The following PTPRN2 variants were observed in gnomAD, a reference collection of about 807,000 sequenced individuals.
PTPRN2 encodes the protein receptor-type tyrosine-protein phosphatase N2.
A neutral mutation model predicts 118.8 loss-of-function variants in PTPRN2; 74 were observed. The observed-to-expected ratio is 0.62, with a 90% CI of 0.52 to 0.76. The LOEUF (loss-of-function observed/expected upper bound fraction) is 0.76, where lower values mean the gene tolerates loss of function less well. Among genes scored for constraint, PTPRN2 ranks in the 30% least tolerant of loss-of-function variants. The pLI, the probability that PTPRN2 is intolerant of heterozygous loss-of-function variation, is 0.00. For missense variants in PTPRN2, 1,481 were observed against 1,394.4 expected, an observed-to-expected ratio of 1.06 and a Z score of -0.99; for synonymous variants, 641 against 608.0, an observed-to-expected ratio of 1.05 and a Z score of -0.80.
At chr7:158,060,160 T>G in intron 11 of PTPRN2, among the ~76,000 whole-genome samples, 1 of 83,730 alleles carries the variant, frequency 1.2e-5, no homozygotes, top group Non-Finnish European at 2.3e-5. Flanking sequence ...CCACACTCCA[T>G]CTGCACATGG....
chr7:157,921,970 G>A (rs1798715671), intron 11 of PTPRN2, among the ~76,000 whole-genome samples: 1 of 152,160 alleles, frequency 6.6e-6, no homozygotes, highest in Non-Finnish European at 1.5e-5. Context: ...CAGGGCACGT[G>A]GGAACCCTCT....
At chr7:158,253,922 T>C (rs13310233) in intron 3 of PTPRN2, among the ~76,000 whole-genome samples, 32,670 of 48,416 alleles carry the variant, frequency 0.67, 9,681 homozygotes, top group African/African-American at 0.75. Flanking sequence ...CCTCCATCTC[T>C]ACGTTCAGGA....
intron 9 of PTPRN2, 59 bp from the exon 10 acceptor site, chr7:158,110,974 T>A: frequency 7.0e-7 from 1 of 1,431,590 alleles, no homozygotes; most frequent in Non-Finnish European, 9.5e-7. Context: ...CCTGGAGAAC[T>A]AAAGCCCTGT....
rs550213065 is a variant in PTPRN2 at position 157,614,437 on chromosome 7, A to G, written c.2344+6925T>C. Reference sequence around the variant, plus strand: ...TTATTAGGTACCATTCATATCAGGAAAAAAAGTCAGGGACAGCTGTTTCAA... The same window carrying G: ...TTATTAGGTACCATTCATATCAGGAGAAAAAGTCAGGGACAGCTGTTTCAA... On this transcript the variant is annotated intron_variant, in intron 15 of 22. Coordinates refer to ENST00000389418, the MANE Select transcript of PTPRN2 (RefSeq NM_002847.5). Among the ~76,000 whole-genome samples the G allele has an allele frequency of 4.6e-5, 7 of 152,358 alleles. No individual in the cohort carries two copies. In the East Asian group the frequency reaches 1.2e-3, roughly 25 times the overall value.
intron 11 of PTPRN2, among the ~76,000 whole-genome samples, chr7:158,067,818 GTGGGCAGCACACTGGGTCACGCTGGGCCA>G (rs1348192866): frequency 8.3e-4 from 126 of 151,674 alleles, no homozygotes; most frequent in African/African-American, 2.7e-3. Context: ...AGGCTGGGCC[GTGGGCAGCACACTGGGTCACGCTGGGCCA>G]TGGGCAGCAC....
chr7:158,027,476 C>G (rs1048077117), intron 11 of PTPRN2: 2 of 152,176 alleles, frequency 1.3e-5, no homozygotes, highest in African/African-American at 4.8e-5. Flanking sequence ...TTGGCCAAAT[C>G]GTGAGTTCCA....
chr7:157,916,949 G>A (rs112472820), intron 11 of PTPRN2, among the ~76,000 whole-genome samples: 1 of 108,694 alleles, frequency 9.2e-6, no homozygotes, highest in Non-Finnish European at 1.8e-5. Context: ...TCCAACACAC[G>A]TCCCCCTCCC....
intron 2 of PTPRN2, among the ~76,000 whole-genome samples, chr7:158,337,571 T>A (rs200790385): frequency 1.7e-3 from 92 of 55,716 alleles, no homozygotes; most frequent in African/African-American, 4.5e-3. Context: ...TCACCATAAT[T>A]GGTGACACCT....
At chr7:157,975,526 C>T (rs533309271) in intron 11 of PTPRN2, among the ~76,000 whole-genome samples, 2 of 152,154 alleles carry the variant, frequency 1.3e-5, no homozygotes, top group East Asian at 1.9e-4. Context: ...CACGGCCCCA[C>T]GAGGAGACGT....
intron 12 of PTPRN2, among the ~76,000 whole-genome samples, chr7:157,835,451 A>T (rs148163706): frequency 3.7e-4 from 57 of 152,364 alleles, no homozygotes; most frequent in African/African-American, 1.3e-3. Flanking sequence ...CCGAACCCGC[A>T]AAGCTCTTCG....
intron 13 of PTPRN2, among the ~76,000 whole-genome samples, chr7:157,662,926 C>G (rs1795964569): frequency 6.6e-6 from 1 of 152,154 alleles, no homozygotes; most frequent in African/African-American, 2.4e-5. Context: ...CCCACCTAAC[C>G]TCACGGCTCA....
At chr7:158,007,726 T>C (rs1341628423) in intron 11 of PTPRN2, among the ~76,000 whole-genome samples, 2 of 152,084 alleles carry the variant, frequency 1.3e-5, no homozygotes, top group African/African-American at 2.4e-5. Context: ...GGTGTGTGCA[T>C]TGCATGTGTG....
intron 3 of PTPRN2, among the ~76,000 whole-genome samples, chr7:158,274,305 A>G (rs1177893509): frequency 7.5e-6 from 1 of 132,788 alleles, no homozygotes; most frequent in Non-Finnish European, 1.6e-5. Flanking sequence ...GAGGAGACAC[A>G]CAAGGAGCCG....
chr7:158,276,328 A>AC (rs1798982202), intron 3 of PTPRN2, among the ~76,000 whole-genome samples: 1 of 36,868 alleles, frequency 2.7e-5, no homozygotes, highest in Admixed American at 3.7e-4. Flanking sequence ...GTAATGTATC[A>AC]CCCCCGCACC....
At chr7:158,415,435 C>T (rs1252431800) in intron 2 of PTPRN2, among the ~76,000 whole-genome samples, 1 of 152,202 alleles carries the variant, frequency 6.6e-6, no homozygotes, top group Non-Finnish European at 1.5e-5. Context: ...CCCTGGATGA[C>T]ACTGGACACC....
chr7:158,197,960 G>A (rs56144139), intron 4 of PTPRN2, among the ~76,000 whole-genome samples: 2,108 of 152,306 alleles, frequency 0.014, 55 homozygotes, highest in African/African-American at 0.048. Context: ...TGATACAGAT[G>A]TAACAGGCAT....
At chr7:157,994,687 C>T (rs1398445244) in intron 11 of PTPRN2, among the ~76,000 whole-genome samples, 2 of 131,836 alleles carry the variant, frequency 1.5e-5, no homozygotes, top group East Asian at 2.3e-4. Flanking sequence ...CGCCGCGTCC[C>T]CAGCTTACAG....
intron 12 of PTPRN2, among the ~76,000 whole-genome samples, chr7:157,701,796 C>T (rs1024182435): frequency 6.6e-6 from 1 of 150,944 alleles, no homozygotes; most frequent in Non-Finnish European, 1.5e-5. Context: ...GTAAGAGAGC[C>T]GGGTAGGTGC....
chr7:157,702,392 G>A (rs528232224), intron 12 of PTPRN2, among the ~76,000 whole-genome samples: 17 of 152,290 alleles, frequency 1.1e-4, no homozygotes, highest in African/African-American at 2.9e-4. Flanking sequence ...TAACTGACAC[G>A]GGCTCTGAGT....
Sources: gnomAD v4.1 joint callset for allele counts (sites outside exome capture counted in the v4.1 genomes callset) on GRCh38, gnomAD v4.1.1 for gene constraint, MANE v1.5 for transcripts, NCBI Gene and HGNC (gene_info 2026-07-23, HGNC 2026-07-21) for gene names.